MERTK: variants seen among roughly 807,000 people sequenced by gnomAD.
MERTK encodes the protein tyrosine-protein kinase Mer.
Under a neutral mutation model 99.3 loss-of-function variants are expected in MERTK, and 69 were observed. That is an observed-to-expected ratio of 0.70 (90% CI 0.57 to 0.85). The LOEUF (loss-of-function observed/expected upper bound fraction) is 0.85, where lower values mean the gene tolerates loss of function less well. Ranked by LOEUF, MERTK falls within the 40% of genes least tolerant of loss-of-function variation. The pLI is 0.00. For missense variants in MERTK, 1,125 were observed against 1,249.4 expected (o/e 0.90, Z 1.50); for synonymous variants, 426 against 467.6 (o/e 0.91, Z 1.15).
At chr2:111,924,568 C>G (rs1684520427) in intron 1 of MERTK, among the ~76,000 whole-genome samples, 1 of 152,130 alleles carries the variant, frequency 6.6e-6, no homozygotes, top group South Asian at 2.1e-4. Flanking sequence ...GCTCTTCTTC[C>G]TCCTACTCAG....
rs145096094 is a variant in MERTK at position 111,962,431 on chromosome 2, T to C, written c.758-2760T>C. ...CCGAGGCAGGAGAATCACTTGAACC[T>C]GGGAGGTGGAGGTTGTAGTGAGCCG... On this transcript the variant is annotated intron_variant, in intron 4 of 18. Coordinates refer to ENST00000295408, the MANE Select transcript of MERTK (RefSeq NM_006343.3). Among the ~76,000 whole-genome samples, 981 of 152,220 alleles carry C rather than the reference T, an allele frequency of 6.4e-3. 13 individuals are homozygous for C. The highest frequency in any genetic ancestry group is 0.023 in the African/African-American group (945 of 41,510).
Position 112,019,927 on chromosome 2 carries a change from T to G in MERTK, c.2189+405T>G, listed in dbSNP as rs187390252. Among the ~76,000 whole-genome samples, 328 of 152,378 alleles carry G rather than the reference T, an allele frequency of 2.2e-3. 3 individuals carry two copies. Among genetic ancestry groups the G allele is most frequent in the Admixed American group, 0.01 (158 of 15,312 alleles). ...ACAACACTTCCTTAGGAAGAAGTTT[T>G]GTACTTTGAATACATGGAAGCTGTC... On this transcript the variant is annotated intron_variant, in intron 16 of 18. Transcript: ENST00000295408.
intron 13 of MERTK, among the ~76,000 whole-genome samples, chr2:112,008,067 C>T (rs1677020928): frequency 6.6e-6 from 1 of 151,992 alleles, no homozygotes; most frequent in Non-Finnish European, 1.5e-5. Context: ...AACCAGAGTC[C>T]ATATTTTACA....
Position 111,947,426 on chromosome 2 carries a change from A to C in MERTK, c.616A>C (p.Met206Leu). Residue 206 changes from methionine (M) to leucine (L), a missense_variant, in exon 4 of 19, where the codon ATG becomes CTG. Met to Leu is a conservative substitution (Grantham distance 15). Transcript: ENST00000295408. The part of the protein sequence containing the change: ...LPHFTKQPES[M>L]NVTRNTAFNL... ...TCACTTTACTAAGCAGCCTGAGAGC[A>C]TGAATGTCACCAGAAACACAGCCTT... 1 of 1,614,174 alleles carries C rather than the reference A, an allele frequency of 6.2e-7. No homozygotes were observed. Among genetic ancestry groups the C allele is most frequent in the South Asian group, 1.1e-5 (1 of 91,086 alleles).
chr2:111,974,450 G>A (rs752327106), intron 6 of MERTK, among the ~76,000 whole-genome samples: 5 of 151,564 alleles, frequency 3.3e-5, no homozygotes, highest in Non-Finnish European at 5.9e-5. Flanking sequence ...CAAGAGCAGT[G>A]TTCCTTAGGT....
chr2:111,970,758 C>T (rs1237111008), intron 6 of MERTK, among the ~76,000 whole-genome samples: 2 of 74,558 alleles, frequency 2.7e-5, no homozygotes, highest in African/African-American at 1.1e-4. Flanking sequence ...CCTCCCTTCT[C>T]CTCCTCCTCC....
chr2:111,946,535 G>T (rs966498865), intron 3 of MERTK, among the ~76,000 whole-genome samples: 3 of 152,122 alleles, frequency 2.0e-5, no homozygotes, highest in African/African-American at 7.2e-5. Context: ...AAGTACGGTA[G>T]ATTTAAGGAT....
At chr2:111,992,744 C>T (rs1361536081) in intron 8 of MERTK, among the ~76,000 whole-genome samples, 2 of 131,024 alleles carry the variant, frequency 1.5e-5, no homozygotes, top group African/African-American at 5.9e-5. Context: ...GAGCAAGACT[C>T]CGTCTCAAAA....
chr2:111,984,952 G>A lies in MERTK; in HGVS notation c.1296+1959G>A, dbSNP rs185493124. Among the ~76,000 whole-genome samples the A allele has an allele frequency of 1.5e-3, 228 of 152,286 alleles. 2 individuals are homozygous for A. Among genetic ancestry groups the A allele is most frequent in the African/African-American group, 4.6e-3 (193 of 41,556 alleles). Reference sequence around the variant, plus strand: ...GTGCTTGGAACTGGGTAGGGGTATCGTAGGGGAGCATCAATATGTCAGGTA... The same window carrying A: ...GTGCTTGGAACTGGGTAGGGGTATCATAGGGGAGCATCAATATGTCAGGTA... On this transcript the variant is annotated intron_variant, in intron 8 of 18. Transcript: ENST00000295408.
intron 18 of MERTK, among the ~76,000 whole-genome samples, chr2:112,026,572 A>C (rs1376835627): frequency 6.6e-6 from 1 of 152,222 alleles, no homozygotes; most frequent in Admixed American, 6.5e-5. Context: ...TAAAGAAGGT[A>C]AGACAGGGAA....
At chr2:111,946,867 G>T (rs568239292) in intron 3 of MERTK, among the ~76,000 whole-genome samples, 1 of 152,298 alleles carries the variant, frequency 6.6e-6, no homozygotes, top group African/African-American at 2.4e-5. Context: ...AAGCATCCTA[G>T]AAAGCTGGCT....
intron 2 of MERTK, among the ~76,000 whole-genome samples, chr2:111,936,168 G>A (rs551240129): frequency 5.7e-4 from 87 of 152,098 alleles, no homozygotes; most frequent in African/African-American, 2.0e-3. Flanking sequence ...TGCCCGCCTC[G>A]GCCTCCCAAA....
chr2:111,970,363 A>C, intron 6 of MERTK, among the ~76,000 whole-genome samples: 1 of 151,280 alleles, frequency 6.6e-6, no homozygotes, highest in East Asian at 2.0e-4. Flanking sequence ...CACCATGTTG[A>C]CCAGGCTGTT....
At chr2:112,008,505 C>T in intron 14 of MERTK, 30 bp downstream of exon 14, 1 of 1,537,084 alleles carries the variant, frequency 6.5e-7, no homozygotes, top group Non-Finnish European at 9.0e-7. Context: ...GAGTGGGTGG[C>T]CAAGAGGGCT....
chr2:111,961,018 T>C (rs1225104097), intron 4 of MERTK, among the ~76,000 whole-genome samples: 2 of 151,930 alleles, frequency 1.3e-5, no homozygotes, highest in East Asian at 3.9e-4. Context: ...ATATTCCTCC[T>C]CAGTGCAATA....
intron 15 of MERTK, among the ~76,000 whole-genome samples, chr2:112,011,073 C>T (rs947956955): frequency 1.3e-5 from 2 of 152,188 alleles, no homozygotes; most frequent in East Asian, 1.9e-4. Context: ...TTGGCATTCT[C>T]GGACACACCC....
intron 9 of MERTK, 59 bp downstream of exon 9, chr2:111,994,463 T>G: frequency 1.9e-6 from 3 of 1,602,452 alleles, no homozygotes; most frequent in Non-Finnish European, 2.6e-6. Context: ...GTGCACAGAT[T>G]GCCAGAAAGT....
chr2:112,020,028 G>A (rs1677304479), intron 16 of MERTK, among the ~76,000 whole-genome samples: 1 of 152,182 alleles, frequency 6.6e-6, no homozygotes, highest in Non-Finnish European at 1.5e-5. Flanking sequence ...ACCTGCTTCA[G>A]CAGAGCCATT....
chr2:111,935,784 G>A (rs894426061), intron 2 of MERTK, among the ~76,000 whole-genome samples: 1 of 151,698 alleles, frequency 6.6e-6, no homozygotes, highest in African/African-American at 2.4e-5. Context: ...GCAACTCTGA[G>A]AAAAATTTTC....
Sources: allele counts gnomAD v4.1 joint callset (sites outside exome capture counted in the v4.1 genomes callset), GRCh38; gene constraint gnomAD v4.1.1; transcripts MANE v1.5; gene names NCBI Gene and HGNC (gene_info 2026-07-23, HGNC 2026-07-21).